ADARB2: variants seen among roughly 807,000 people sequenced by gnomAD.
The protein encoded by ADARB2 is adenosine deaminase RNA specific B2 (inactive).
A neutral mutation model predicts 62.2 loss-of-function variants in ADARB2; 25 were observed. The ratio of observed to expected loss-of-function variants is 0.40; its 90% CI spans 0.29 to 0.56. The LOEUF (loss-of-function observed/expected upper bound fraction) is 0.56, where lower values mean the gene tolerates loss of function less well. Ranked by LOEUF, ADARB2 falls within the 20% of genes least tolerant of loss-of-function variation. The pLI is 0.43. For synonymous variants in ADARB2, 572 were observed against 500.8 expected (o/e 1.14, Z -1.90); for missense variants, 1,071 against 1,077.4 (o/e 0.99, Z 0.08).
intron 1 of ADARB2, among the ~76,000 whole-genome samples, chr10:1,713,592 C>A (rs1221791702): frequency 6.6e-6 from 1 of 152,186 alleles, no homozygotes; most frequent in Non-Finnish European, 1.5e-5. Flanking sequence ...AGCCACAATA[C>A]TCTTCTATTT....
intron 1 of ADARB2, among the ~76,000 whole-genome samples, chr10:1,597,376 A>G (rs768192691): frequency 3.9e-5 from 6 of 152,232 alleles, no homozygotes; most frequent in Admixed American, 6.5e-5. Flanking sequence ...TTTGCATCTG[A>G]CATAGGGTCA....
intron 1 of ADARB2, among the ~76,000 whole-genome samples, chr10:1,599,922 T>A (rs1833386995): frequency 6.6e-6 from 1 of 152,050 alleles, no homozygotes; most frequent in South Asian, 2.1e-4. Flanking sequence ...TTTGTATTTT[T>A]TTTCTAGAAA....
chr10:1,193,732 G>A (rs1474956237), intron 8 of ADARB2, among the ~76,000 whole-genome samples: 1 of 152,186 alleles, frequency 6.6e-6, no homozygotes, highest in Non-Finnish European at 1.5e-5. Context: ...CAGATCGTAA[G>A]TTGAGATTGT....
At chr10:1,270,336 G>A (rs1397809713) in intron 4 of ADARB2, among the ~76,000 whole-genome samples, 1 of 152,174 alleles carries the variant, frequency 6.6e-6, no homozygotes, top group African/African-American at 2.4e-5. Context: ...CCAAGTGTGT[G>A]AGAGTGTAGT....
chr10:1,723,203 G>A (rs991390229), intron 1 of ADARB2, among the ~76,000 whole-genome samples: 29 of 152,208 alleles, frequency 1.9e-4, no homozygotes, highest in Admixed American at 1.9e-3. Flanking sequence ...TGAGACTTCT[G>A]TTTTAACAGC....
In ADARB2 at chr10:1,255,303, A is replaced by G. The variant is rs1253020947; in HGVS notation, c.1193-13004T>C. ...TGTTGCTCTGACAGGAAATGAGGCA[A>G]TCACTGGCCCTGGGTGCCACGTCAC... is the stretch of plus-strand genomic sequence containing the variant. On this transcript the variant is annotated intron_variant, in intron 4 of 9. Transcript: ENST00000381312. The surrounding 1 kb of genome is among the most constrained non-coding windows in gnomAD (Gnocchi z 4.7). Among the ~76,000 whole-genome samples the G allele has an allele frequency of 2.6e-5, 4 of 152,244 alleles. No homozygotes were observed. Among genetic ancestry groups the G allele is most frequent in the Non-Finnish European group, 5.9e-5 (4 of 68,046 alleles).
At chr10:1,539,107 G>A (rs1832376136) in intron 1 of ADARB2, among the ~76,000 whole-genome samples, 1 of 152,212 alleles carries the variant, frequency 6.6e-6, no homozygotes, top group Non-Finnish European at 1.5e-5. Flanking sequence ...GTAGCGGAGG[G>A]GAGGCAAGGC....
intron 3 of ADARB2, among the ~76,000 whole-genome samples, chr10:1,298,722 T>A (rs1394016040): frequency 7.2e-4 from 1 of 1,380 alleles, no homozygotes; most frequent in Non-Finnish European, 3.5e-3. Context: ...CGACGGGAAT[T>A]TTTTTTTTTT....
chr10:1,407,382 A>T lies in ADARB2; in HGVS notation c.101-28222T>A, dbSNP rs898772732. Among the ~76,000 whole-genome samples, 8 of 152,216 alleles carry T rather than the reference A, an allele frequency of 5.3e-5. 1 individual carries two copies. The South Asian group carries it at 6.2e-4, about 12-fold the overall frequency. On this transcript the variant is annotated intron_variant, in intron 1 of 9. Transcript: ENST00000381312. ...TTCTGAGCCACTGCTACTCCTGAAG[A>T]GGGTACAACGGCCGGGGTGGGGTCT...
At chr10:1,200,999 TC>T in intron 7 of ADARB2, among the ~76,000 whole-genome samples, 1 of 152,218 alleles carries the variant, frequency 6.6e-6, no homozygotes, top group East Asian at 1.9e-4. Context: ...ACATTTCCCT[TC>T]CCGAAGCAGT....
intron 8 of ADARB2, among the ~76,000 whole-genome samples, chr10:1,194,555 A>G (rs1435167184): frequency 6.6e-6 from 1 of 151,970 alleles, no homozygotes; most frequent in Non-Finnish European, 1.5e-5. Context: ...CTGTCAGTCT[A>G]TCATCTATCT....
rs1169480821 is a variant in ADARB2, at chr10:1,180,828, A to C, written c.*2365T>G. ...AGTCTCCTGTGGACTTAATACACGA[A>C]TCCATACACTTGTACTAATGGGTAG... On this transcript the variant is annotated 3_prime_UTR_variant, in exon 10 of 10. Coordinates refer to ENST00000381312, the MANE Select transcript of ADARB2 (RefSeq NM_018702.4). 1 of 152,230 alleles carries C rather than the reference A, an allele frequency of 6.6e-6. No individual in the cohort carries two copies. The highest frequency in any genetic ancestry group is 1.5e-5 in the Non-Finnish European group (1 of 68,044). The allele number at this position is 152,230 out of a possible 1,614,324, so 9.4% of individuals were successfully genotyped here.
At chr10:1,280,576 A>AAGTGATGCTCCTTGAAATTCCTG (rs1564245260) in intron 3 of ADARB2, among the ~76,000 whole-genome samples, 1,796 of 150,006 alleles carry the variant, frequency 0.012, 46 homozygotes, top group African/African-American at 0.043. Flanking sequence ...TGAAATTCCT[A>AAGTGATGCTCCTTGAAATTCCTG]AGTGACGCTC....
intron 3 of ADARB2, among the ~76,000 whole-genome samples, chr10:1,360,116 G>A (rs998129389): frequency 7.9e-5 from 12 of 152,228 alleles, no homozygotes; most frequent in African/African-American, 2.7e-4. Context: ...CCAGCCCTGC[G>A]TGGGGTGAGC....
intron 1 of ADARB2, among the ~76,000 whole-genome samples, chr10:1,736,223 C>G (rs1364153500): frequency 6.6e-6 from 1 of 152,190 alleles, no homozygotes; most frequent in African/African-American, 2.4e-5. Context: ...TCCTGGCATG[C>G]ACACAGGCTA....
intron 1 of ADARB2, among the ~76,000 whole-genome samples, chr10:1,586,344 ACCCCGAGTG>A (rs1461383621): frequency 6.6e-6 from 1 of 152,136 alleles, no homozygotes; most frequent in Non-Finnish European, 1.5e-5. Context: ...TGGCTGAAGG[ACCCCGAGTG>A]CTTGATCTGA....
intron 3 of ADARB2, among the ~76,000 whole-genome samples, chr10:1,311,196 G>T (rs1372638947): frequency 1.3e-5 from 2 of 152,230 alleles, no homozygotes; most frequent in African/African-American, 2.4e-5. Flanking sequence ...ATGGGGAATG[G>T]TGGGCACACC....
chr10:1,573,497 C>T (rs1647366775), intron 1 of ADARB2, among the ~76,000 whole-genome samples: 1 of 152,194 alleles, frequency 6.6e-6, no homozygotes, highest in South Asian at 2.1e-4. Context: ...CAGGCCGGTG[C>T]CTCCAACACC....
intron 1 of ADARB2, among the ~76,000 whole-genome samples, chr10:1,546,178 C>T (rs1832516413): frequency 6.6e-6 from 1 of 152,164 alleles, no homozygotes; most frequent in African/African-American, 2.4e-5. Context: ...CACATGGTTA[C>T]ATTTCTTCCC....
Sources: allele counts gnomAD v4.1 joint callset (sites outside exome capture counted in the v4.1 genomes callset), GRCh38; gene constraint gnomAD v4.1.1; non-coding constraint Gnocchi (gnomAD v3.1); transcripts MANE v1.5; gene names NCBI Gene and HGNC (gene_info 2026-07-23, HGNC 2026-07-21).